APOL5: variants seen among roughly 807,000 people sequenced by gnomAD.
APOL5 encodes the protein apolipoprotein L, 5.
A neutral mutation model predicts 35.5 loss-of-function variants in APOL5; 29 were observed. The observed-to-expected ratio is 0.82, with a 90% CI of 0.61 to 1.11. The LOEUF (loss-of-function observed/expected upper bound fraction) is 1.11. APOL5 is among the 50% of genes most tolerant of loss of function. The pLI, the probability that APOL5 is intolerant of heterozygous loss-of-function variation, is 0.00. For missense variants in APOL5, 514 were observed against 530.4 expected, an observed-to-expected ratio of 0.97 and a Z score of 0.30; for synonymous variants, 188 against 200.2, an observed-to-expected ratio of 0.94 and a Z score of 0.51.
chr22:35,719,774 C>T (rs897624245), intron 1 of APOL5, among the ~76,000 whole-genome samples: 6 of 152,140 alleles, frequency 3.9e-5, no homozygotes, highest in African/African-American at 9.7e-5. Flanking sequence ...GTGAGCTTAT[C>T]GGAAGGACAA....
chr22:35,726,588 ACAGGGTTGGGGG>A lies in APOL5; in HGVS notation c.524_535del (p.Gly175_Ala178del), dbSNP rs1231490050. 2 of 1,614,042 alleles carry A rather than the reference ACAGGGTTGGGGG, an allele frequency of 1.2e-6. No homozygotes were observed. The highest frequency in any genetic ancestry group is 1.7e-6 in the Non-Finnish European group (2 of 1,180,036). ...CAGTCTCATGCTCTCAGCAACTGGGACAGGGTTGGGGGCAGCAGCTGCCATCACCAACATAGT... is the reference window on the plus strand; with the variant it reads ...CAGTCTCATGCTCTCAGCAACTGGGACAGCAGCTGCCATCACCAACATAGT... On this transcript the variant is annotated inframe_deletion, in exon 3 of 5. Transcript: ENST00000249044.
chr22:35,714,788 G>A (rs1369706874), upstream of APOL5, among the ~76,000 whole-genome samples: 1 of 152,228 alleles, frequency 6.6e-6, no homozygotes, highest in Non-Finnish European at 1.5e-5. Context: ...GCAGGAGAGA[G>A]GAGCAAGCTC....
At chr22:35,714,241 G>A (rs1926673616), upstream of APOL5, among the ~76,000 whole-genome samples, 2 of 152,176 alleles carry the variant, frequency 1.3e-5, no homozygotes, top group South Asian at 2.1e-4. Flanking sequence ...GAACCTGGGC[G>A]GCGGAGGTTG....
the APOL5 span, among the ~76,000 whole-genome samples, chr22:35,710,055 T>C: frequency 1.3e-5 from 2 of 151,992 alleles, no homozygotes; most frequent in East Asian, 1.9e-4. Context: ...GAGTGTTCTT[T>C]ATCTGCTCTT....
rs143918955 is a variant in APOL5 at position 35,724,330 on chromosome 22, A to C, written c.143-1881A>C. ...GGGTCTCCTTAAATCCTGTTTCCCG[A>C]TGTCCCAGGTTCCCTGCCCAGAAGC... On this transcript the variant is annotated intron_variant, in intron 2 of 4. Coordinates refer to ENST00000249044, the MANE Select transcript of APOL5 (RefSeq NM_030642.1). 1.9e-3 allele frequency among the ~76,000 whole-genome samples: 279 copies of C among 149,886 alleles called. 2 individuals are homozygous for C. Among genetic ancestry groups the C allele is most frequent in the Middle Eastern group, 3.6e-3 (1 of 280 alleles).
At chr22:35,724,108 T>C (rs796499602) in intron 2 of APOL5, among the ~76,000 whole-genome samples, 13 of 151,594 alleles carry the variant, frequency 8.6e-5, no homozygotes, top group African/African-American at 3.1e-4. Flanking sequence ...CTTTTACTAA[T>C]TTTTAAAAAT....
chr22:35,718,001 G>A (rs1926820533), intron 1 of APOL5, 75 bp downstream of exon 1: 11 of 1,241,754 alleles, frequency 8.9e-6, no homozygotes, highest in African/African-American at 1.5e-5. Flanking sequence ...GAAAAAATAC[G>A]TTACACTATT....
At position 35,727,211 on chromosome 22, in the gene APOL5, T is replaced by A; in HGVS notation, c.1126+17T>A. ...AACCAGAAGGTAGGAAGGCAGCGAA[T>A]AACACGGACGTGGTCTTGCTCTTCT... On this transcript the variant is annotated intron_variant, in intron 3 of 4. Transcript: ENST00000249044. 1 of 1,586,378 alleles carries A rather than the reference T, an allele frequency of 6.3e-7. No individual in the cohort carries two copies. The highest frequency in any genetic ancestry group is 2.2e-5 in the East Asian group (1 of 44,656).
the APOL5 span, among the ~76,000 whole-genome samples, chr22:35,708,918 C>T: frequency 3.9e-5 from 6 of 152,176 alleles, no homozygotes; most frequent in African/African-American, 1.2e-4. Flanking sequence ...ACTGTGACAA[C>T]GGAGGGTGAC....
the APOL5 span, among the ~76,000 whole-genome samples, chr22:35,711,646 C>CCTT: frequency 1.4e-5 from 2 of 144,044 alleles, no homozygotes; most frequent in African/African-American, 2.5e-5. Context: ...TTCCTTCCTT[C>CCTT]CCTCCCTCCC....
rs186898850 is a variant in APOL5 at position 35,720,351 on chromosome 22, C to A, written c.56-217C>A. On this transcript the variant is annotated intron_variant, in intron 1 of 4. Transcript: ENST00000249044. ...TAAGCGATTTCCAGTTTTATTGCATCCTAGTCAACCTTGGGCATTCCCATG... is the reference window on the plus strand; with the variant it reads ...TAAGCGATTTCCAGTTTTATTGCATACTAGTCAACCTTGGGCATTCCCATG... Among the ~76,000 whole-genome samples, 6 of 152,334 alleles carry A rather than the reference C, an allele frequency of 3.9e-5. No individual in the cohort carries two copies. In the East Asian group the frequency reaches 1.2e-3, roughly 29 times the overall value.
At chr22:35,728,656 C>T in intron 3 of APOL5, 67 bp from the exon 4 acceptor site, 1 of 1,542,334 alleles carries the variant, frequency 6.5e-7, no homozygotes, top group Non-Finnish European at 8.8e-7. Flanking sequence ...CATATTTGAG[C>T]TTCTGAACGT....
At chr22:35,717,007 T>G (rs113649842), upstream of APOL5, among the ~76,000 whole-genome samples, 1 of 13,818 alleles carries the variant, frequency 7.2e-5, no homozygotes, top group Non-Finnish European at 1.4e-4. Flanking sequence ...TGTGTTGTGT[T>G]GTGCCGTTGT....
At chr22:35,727,950 C>T (rs1927227955) in intron 3 of APOL5, among the ~76,000 whole-genome samples, 1 of 152,236 alleles carries the variant, frequency 6.6e-6, no homozygotes, top group African/African-American at 2.4e-5. Context: ...GACGCGGTAG[C>T]AAGGTCACAA....
rs1371035721 is a variant in APOL5, at chr22:35,726,678, C to T, written c.610C>T (p.Arg204Ter). 26 of 1,614,064 alleles carry T rather than the reference C, an allele frequency of 1.6e-5. No individual in the cohort carries two copies. Among genetic ancestry groups the T allele is most frequent in the East Asian group, 4.5e-5 (2 of 44,894 alleles). The change falls in exon 3 of 5, where the codon CGA becomes TGA. Residue 204 changes from arginine to a stop codon, truncating the protein, a stop_gained. Transcript: ENST00000249044. LOFTEE classifies it high-confidence loss of function. ...SNSAARDKAS[R>*]LGPLTTSHEA... ...TTCAGCAGCAAGAGACAAAGCCAGC[C>T]GACTGGGGCCTCTGACAACATCACA...
At chr22:35,722,593 G>T (rs775679735) in intron 2 of APOL5, among the ~76,000 whole-genome samples, 1 of 152,162 alleles carries the variant, frequency 6.6e-6, no homozygotes, top group African/African-American at 2.4e-5. Flanking sequence ...GAGCCACTGC[G>T]CCCGGCCCTA....
In APOL5 at chr22:35,728,797, C is replaced by T; in HGVS notation, c.1201C>T (p.Pro401Ser). 1 of 1,613,514 alleles carries T rather than the reference C, an allele frequency of 6.2e-7. No individual in the cohort carries two copies. Among genetic ancestry groups the T allele is most frequent in the Non-Finnish European group, 8.5e-7 (1 of 1,179,780 alleles). Residue 401 changes from proline (P) to serine (S), a missense_variant, in exon 4 of 5, where the codon CCA becomes TCA. Pro to Ser is a moderately conservative substitution (Grantham distance 74). Coordinates refer to ENST00000249044, the MANE Select transcript of APOL5 (RefSeq NM_030642.1). Reference protein sequence around the residue: ...RLGPGVALRTPKRTVSAPRML... With the variant: ...RLGPGVALRTSKRTVSAPRML... ...GGGCCCTGGCGTGGCACTGAGGACA[C>T]CAAAGAGGACAGTCTCTGCCCCAAG...
At chr22:35,725,458 T>C (rs1364166906) in intron 2 of APOL5, among the ~76,000 whole-genome samples, 1 of 152,130 alleles carries the variant, frequency 6.6e-6, no homozygotes, top group East Asian at 1.9e-4. Flanking sequence ...TTTCACCATA[T>C]TGGCCAGGCT....
rs1394783832 is a variant in APOL5, at chr22:35,726,632, T to C, written c.564T>C (p.Asn188=). 6.2e-7 allele frequency: 1 copy of C among 1,614,148 alleles called. No homozygotes were observed. ...AAAAITNIVT[N]VLENRSNSAA... is the part of the protein sequence containing the mutation. ...CTGCCATCACCAACATAGTAACAAA[T>C]GTCTTAGAAAATAGAAGCAATTCAG... The change falls in exon 3 of 5, where the codon AAT becomes AAC. Residue 188 remains asparagine, a synonymous_variant. Transcript: ENST00000249044.
Sources: allele counts gnomAD v4.1 joint callset (sites outside exome capture counted in the v4.1 genomes callset), GRCh38; gene constraint gnomAD v4.1.1; transcripts MANE v1.5; gene names NCBI Gene and HGNC (gene_info 2026-07-23, HGNC 2026-07-21).